Variants in SVEP1 observed in about 807,000 individuals in gnomAD.
SVEP1 encodes the protein sushi, von Willebrand factor type A, EGF and pentraxin domain-containing protein 1.
Under a neutral mutation model 367.3 loss-of-function variants are expected in SVEP1, and 164 were observed. The observed-to-expected ratio is 0.45, with a 90% CI of 0.39 to 0.51. The LOEUF (loss-of-function observed/expected upper bound fraction) is 0.51, where lower values mean the gene tolerates loss of function less well. SVEP1 is among the 20% of genes least tolerant of loss of function. The pLI, the probability that SVEP1 is intolerant of heterozygous loss-of-function variation, is 0.00. For synonymous variants in SVEP1, 1,666 were observed against 1,611.6 expected, an observed-to-expected ratio of 1.03 and a Z score of -0.81; for missense variants, 4,117 against 4,425.3, an observed-to-expected ratio of 0.93 and a Z score of 1.98.
chr9:110,579,149 T>G lies in SVEP1; in HGVS notation c.395A>C (p.Tyr132Ser). ...GATGTAATCGACGCGCGGCACCACG[T>G]AGTTCTTGGACGAGAAGGTCACGAT... ...VAIVTFSSKN[Y>S]VVPRVDYIST... The change falls in exon 1 of 48, where the codon TAC becomes TCC. Residue 132 changes from tyrosine to serine, a missense_variant. This residue lies in a region of SVEP1 where 2,174 missense variants were observed against 2,494.3 expected (regional missense o/e 0.87). Transcript: ENST00000374469. This position sits in a 1 kb window ranked among gnomAD's most constrained non-coding sequence, Gnocchi z 5.3. The G allele has an allele frequency of 6.4e-7, 1 of 1,560,018 alleles. No homozygotes were observed. The highest frequency in any genetic ancestry group is 1.4e-5 in the African/African-American group (1 of 73,354).
chr9:110,503,968 A>T (rs1244429432), intron 5 of SVEP1, among the ~76,000 whole-genome samples: 1 of 152,214 alleles, frequency 6.6e-6, no homozygotes, highest in Admixed American at 6.5e-5. Context: ...AACTAATGAG[A>T]GCCCATAATA....
At chr9:110,441,936 C>A (rs1159850289) in intron 27 of SVEP1, among the ~76,000 whole-genome samples, 1 of 152,208 alleles carries the variant, frequency 6.6e-6, no homozygotes, top group African/African-American at 2.4e-5. Flanking sequence ...TTAACCTACA[C>A]CACATGGCTT....
At chr9:110,457,447 C>T (rs10980397) in intron 20 of SVEP1, 95 bp from the exon 21 acceptor site, 137,240 of 924,512 alleles carry the variant, frequency 0.15, 11,585 homozygotes, top group South Asian at 0.21. Flanking sequence ...TTAGACAGCT[C>T]GTTCCTCCTG....
intron 13 of SVEP1, 97 bp downstream of exon 13, chr9:110,479,538 G>A (rs35796415): frequency 0.079 from 109,100 of 1,379,758 alleles, 4,915 homozygotes; most frequent in Non-Finnish European, 0.09. Context: ...TCACAAAGAA[G>A]AGGGAAATAG....
chr9:110,555,544 T>C (rs1376916175), intron 1 of SVEP1, among the ~76,000 whole-genome samples: 1 of 152,212 alleles, frequency 6.6e-6, no homozygotes, highest in East Asian at 1.9e-4. Context: ...TTCTTTAACA[T>C]CCACATTAGG....
intron 27 of SVEP1, among the ~76,000 whole-genome samples, chr9:110,442,086 C>G (rs1279187696): frequency 6.6e-6 from 1 of 152,176 alleles, no homozygotes; most frequent in Non-Finnish European, 1.5e-5. Flanking sequence ...CCTGATCACC[C>G]TGGAGAGTTA....
chr9:110,379,576 T>C, intron 43 of SVEP1, 59 bp from the exon 44 acceptor site: 1 of 1,546,490 alleles, frequency 6.5e-7, no homozygotes, highest in African/African-American at 1.4e-5. Context: ...GAGAACACAG[T>C]CTCATCTCTC....
At chr9:110,570,966 G>C (rs943517786) in intron 1 of SVEP1, among the ~76,000 whole-genome samples, 2 of 142,540 alleles carry the variant, frequency 1.4e-5, no homozygotes, top group Non-Finnish European at 3.0e-5. Flanking sequence ...CTTCCAGATG[G>C]CTCCTTTTTT....
intron 8 of SVEP1, among the ~76,000 whole-genome samples, chr9:110,495,285 C>T (rs182109508): frequency 1.0e-3 from 157 of 152,256 alleles, no homozygotes; most frequent in African/African-American, 3.4e-3. Context: ...CCTGTGAACA[C>T]GTTGCCTTAC....
In SVEP1 at chr9:110,499,199, A is replaced by T; in HGVS notation, c.1523T>A (p.Ile508Asn). ...CSTFQMPKDVIISPHNCGKQP... is the reference protein window; with the variant it reads ...CSTFQMPKDVNISPHNCGKQP... ...CTTGCCACAGTTGTGGGGGGATATG[A>T]TGACATCTTTGGGCATCTGAAAGGT... The change falls in exon 7 of 48, where the codon ATC becomes AAC. Residue 508 changes from isoleucine (I) to asparagine (N), a missense_variant. Physicochemically the swap from Ile to Asn is moderately radical, Grantham distance 149. Around this residue, in one of 4 missense-constraint regions of SVEP1, gnomAD observed 2,174 missense variants for 2,494.3 expected, o/e 0.87. Coordinates refer to ENST00000374469, the MANE Select transcript of SVEP1 (RefSeq NM_153366.4). 1 of 1,613,382 alleles carries T rather than the reference A, an allele frequency of 6.2e-7. No homozygotes were observed. The highest frequency in any genetic ancestry group is 8.5e-7 in the Non-Finnish European group (1 of 1,179,600).
chr9:110,402,534 G>T (rs369457397), intron 39 of SVEP1, among the ~76,000 whole-genome samples: 1 of 152,002 alleles, frequency 6.6e-6, no homozygotes, highest in African/African-American at 2.4e-5. Flanking sequence ...CAAAAAAGGG[G>T]GGTCATACTA....
intron 29 of SVEP1, 105 bp from the exon 30 acceptor site, chr9:110,434,611 T>C: frequency 2.1e-6 from 2 of 930,468 alleles, no homozygotes. Flanking sequence ...GAGAGCCACC[T>C]TACTGATGTG....
At chr9:110,486,740 C>T (rs1242978297) in intron 9 of SVEP1, among the ~76,000 whole-genome samples, 4 of 151,698 alleles carry the variant, frequency 2.6e-5, no homozygotes, top group East Asian at 1.9e-4. Context: ...CTCCGTCTCC[C>T]GGATTAAAGC....
chr9:110,472,778 C>T (rs1280930896), intron 14 of SVEP1, among the ~76,000 whole-genome samples: 1 of 151,970 alleles, frequency 6.6e-6, no homozygotes, highest in East Asian at 1.9e-4. Flanking sequence ...ACTCAAGATG[C>T]TTTCATCATA....
At chr9:110,511,644 G>T (rs1290882943) in intron 5 of SVEP1, among the ~76,000 whole-genome samples, 1 of 150,950 alleles carries the variant, frequency 6.6e-6, no homozygotes, top group Non-Finnish European at 1.5e-5. Context: ...TTTTCTGTCA[G>T]GTCTCTTTTG....
chr9:110,373,708 A>G (rs1433778335), intron 46 of SVEP1, among the ~76,000 whole-genome samples: 1 of 152,194 alleles, frequency 6.6e-6, no homozygotes, highest in Non-Finnish European at 1.5e-5. Context: ...TTTACTAAAA[A>G]TATCTACTAT....
chr9:110,539,234 ATAGT>A (rs1409096771), intron 3 of SVEP1, among the ~76,000 whole-genome samples: 1 of 152,092 alleles, frequency 6.6e-6, no homozygotes, highest in Non-Finnish European at 1.5e-5. Context: ...AACAAAGACA[ATAGT>A]TAGGTGTGAT....
intron 26 of SVEP1, among the ~76,000 whole-genome samples, chr9:110,445,558 T>C (rs1828579433): frequency 6.6e-6 from 1 of 152,208 alleles, no homozygotes; most frequent in South Asian, 2.1e-4. Context: ...CTACTGTCTA[T>C]AAAATGGGCA....
chr9:110,430,575 G>A (rs531643091), intron 32 of SVEP1, 125 bp from the exon 33 acceptor site: 1 of 936,612 alleles, frequency 1.1e-6, no homozygotes, highest in African/African-American at 1.7e-5. Flanking sequence ...CCTCGTGAAG[G>A]GAAATGCATG....
Sources: allele counts gnomAD v4.1 joint callset (sites outside exome capture counted in the v4.1 genomes callset), GRCh38; gene constraint gnomAD v4.1.1; regional missense constraint gnomAD v4.1.1; non-coding constraint Gnocchi (gnomAD v3.1); transcripts MANE v1.5; gene names NCBI Gene and HGNC (gene_info 2026-07-23, HGNC 2026-07-21).